Variants in MARCHF4 observed in about 807,000 individuals in gnomAD.
MARCHF4 encodes E3 ubiquitin-protein ligase MARCHF4.
A neutral mutation model predicts 43.9 loss-of-function variants in MARCHF4; 14 were observed. The ratio of observed to expected loss-of-function variants is 0.32; its 90% CI spans 0.21 to 0.50. The LOEUF (loss-of-function observed/expected upper bound fraction) is 0.50, where lower values mean the gene tolerates loss of function less well. MARCHF4 is among the 20% of genes least tolerant of loss of function. MARCHF4 has a pLI of 0.98. For missense variants in MARCHF4, 468 were observed against 536.7 expected (o/e 0.87, Z 1.27); for synonymous variants, 226 against 213.3 (o/e 1.06, Z -0.52).
chr2:216,329,249 C>T (rs1692046523), intron 1 of MARCHF4, among the ~76,000 whole-genome samples: 2 of 152,056 alleles, frequency 1.3e-5, no homozygotes, highest in Admixed American at 6.5e-5. Flanking sequence ...GGCTTGGTGG[C>T]GGGCACCTGT....
chr2:216,293,584 AAAAC>A (rs201659816), intron 1 of MARCHF4, among the ~76,000 whole-genome samples: 97 of 146,626 alleles, frequency 6.6e-4, no homozygotes, highest in South Asian at 4.2e-3. Context: ...AAAAAAAAAA[AAAAC>A]AATGTAAAAA....
chr2:216,330,563 T>G (rs939008086), intron 1 of MARCHF4, among the ~76,000 whole-genome samples: 2 of 152,210 alleles, frequency 1.3e-5, no homozygotes, highest in African/African-American at 4.8e-5. Context: ...GACAAAAGTA[T>G]TAATACATTC....
chr2:216,331,241 C>A (rs951249022), intron 1 of MARCHF4, among the ~76,000 whole-genome samples: 1 of 151,966 alleles, frequency 6.6e-6, no homozygotes, highest in Non-Finnish European at 1.5e-5. Context: ...TTATGCCAAA[C>A]ATTTTAGAAA....
intron 1 of MARCHF4, among the ~76,000 whole-genome samples, chr2:216,307,557 A>G (rs1045056248): frequency 1.3e-5 from 2 of 152,188 alleles, no homozygotes; most frequent in Middle Eastern, 3.4e-3. Flanking sequence ...TGGAACTGGA[A>G]TCTTTTCTCC....
chr2:216,268,929 T>C lies in MARCHF4; in HGVS notation c.865+8743A>G, dbSNP rs533307815. 7.9e-5 allele frequency among the ~76,000 whole-genome samples: 12 copies of C among 152,294 alleles called. No individual in the cohort carries two copies. In the South Asian group the frequency reaches 2.5e-3, roughly 32 times the overall value. On this transcript the variant is annotated intron_variant, in intron 3 of 3. Coordinates refer to ENST00000273067, the MANE Select transcript of MARCHF4 (RefSeq NM_020814.3). ...TCCTGCTGCCCCCATCCTCTGCCTA[T>C]TTGCTATAAAATGAGATTTAAATTC...
chr2:216,270,417 C>A lies in MARCHF4; in HGVS notation c.865+7255G>T, dbSNP rs75490452. 1.4e-4 allele frequency among the ~76,000 whole-genome samples: 21 copies of A among 152,206 alleles called. No homozygotes were observed. The East Asian group carries it at 3.9e-3, about 28-fold the overall frequency. The stretch of plus-strand genomic sequence containing the variant: ...CCCTCTTTTATCACCCGCCCCAACC[C>A]CATCAGTCACCAACCCTTGTCAGAA... On this transcript the variant is annotated intron_variant, in intron 3 of 3. Transcript: ENST00000273067.
Position 216,370,795 on chromosome 2 carries a change from T to A in MARCHF4, c.-535A>T, listed in dbSNP as rs1233245133. On this transcript the variant is annotated 5_prime_UTR_variant, in exon 1 of 4. Transcript: ENST00000273067. ...TAGAGAAAACTAGCTCAATGAAGAA[T>A]TGAGGACTGCATGTGTGAGAGAGAA... 1 of 152,284 alleles carries A rather than the reference T, an allele frequency of 6.6e-6. No homozygotes were observed. Among genetic ancestry groups the A allele is most frequent in the Non-Finnish European group, 1.5e-5 (1 of 68,168 alleles). The allele number at this position is 152,284 out of a possible 1,614,324, so 9.4% of individuals were successfully genotyped here. A position where few individuals can be genotyped will look rare whatever the true frequency, so the allele number is the denominator to read the frequency against.
chr2:216,347,640 T>C (rs1692341850), intron 1 of MARCHF4, among the ~76,000 whole-genome samples: 1 of 151,764 alleles, frequency 6.6e-6, no homozygotes, highest in Non-Finnish European at 1.5e-5. Context: ...AGGCAGGGAA[T>C]TGCTTAAACC....
intron 3 of MARCHF4, among the ~76,000 whole-genome samples, chr2:216,261,792 C>CA (rs758442742): frequency 2.6e-5 from 4 of 152,140 alleles, no homozygotes; most frequent in Admixed American, 6.5e-5. Context: ...AGGCCAAAGA[C>CA]AGAGCCCTGG....
intron 1 of MARCHF4, among the ~76,000 whole-genome samples, chr2:216,332,831 GAGAAGGGTAC>G (rs1170114203): frequency 6.6e-6 from 1 of 152,210 alleles, no homozygotes; most frequent in East Asian, 1.9e-4. Context: ...TAGTGGAATA[GAGAAGGGTAC>G]AGACATAGAT....
intron 3 of MARCHF4, among the ~76,000 whole-genome samples, chr2:216,268,585 C>T (rs1024357660): frequency 6.6e-6 from 1 of 152,200 alleles, no homozygotes; most frequent in Non-Finnish European, 1.5e-5. Context: ...CCTGGGGCCT[C>T]CCAAGCCATG....
chr2:216,342,981 G>A (rs537650996), intron 1 of MARCHF4, among the ~76,000 whole-genome samples: 1 of 152,270 alleles, frequency 6.6e-6, no homozygotes, highest in South Asian at 2.1e-4. Flanking sequence ...ACTGACTGAG[G>A]AAGAAGCATG....
chr2:216,281,686 C>T (rs2544062), intron 2 of MARCHF4, among the ~76,000 whole-genome samples: 17,177 of 152,182 alleles, frequency 0.11, 1,471 homozygotes, highest in African/African-American at 0.24. Flanking sequence ...CTTCCTTCTT[C>T]CAGTGCTATC....
intron 1 of MARCHF4, among the ~76,000 whole-genome samples, chr2:216,329,775 G>C (rs1467706166): frequency 6.6e-6 from 1 of 151,046 alleles, no homozygotes; most frequent in East Asian, 1.9e-4. Flanking sequence ...TGTCCCTTAA[G>C]TATAAGGACA....
intron 2 of MARCHF4, 54 bp from the exon 3 acceptor site, chr2:216,277,918 C>T (rs1223745713): frequency 1.3e-6 from 2 of 1,496,786 alleles, no homozygotes; most frequent in East Asian, 4.7e-5. Flanking sequence ...TTATCCCATT[C>T]CCACCCCTCT....
intron 1 of MARCHF4, among the ~76,000 whole-genome samples, chr2:216,349,505 A>G (rs1692366020): frequency 6.6e-6 from 1 of 152,206 alleles, no homozygotes; most frequent in African/African-American, 2.4e-5. Flanking sequence ...GTACATAGTG[A>G]TAACAGAGCA....
At chr2:216,340,494 C>G (rs2105974160) in intron 1 of MARCHF4, among the ~76,000 whole-genome samples, 1 of 152,296 alleles carries the variant, frequency 6.6e-6, no homozygotes, top group South Asian at 2.1e-4. Context: ...CAAACCCCAT[C>G]CAAATCCAGT....
At chr2:216,284,004 G>A (rs1691179176) in intron 1 of MARCHF4, among the ~76,000 whole-genome samples, 1 of 152,182 alleles carries the variant, frequency 6.6e-6, no homozygotes, top group Non-Finnish European at 1.5e-5. Flanking sequence ...ACGAACATGA[G>A]CGGGCTGGTT....
chr2:216,301,699 A>G (rs1274651367), intron 1 of MARCHF4, among the ~76,000 whole-genome samples: 1 of 152,252 alleles, frequency 6.6e-6, no homozygotes, highest in African/African-American at 2.4e-5. Flanking sequence ...GTGAAGGTCA[A>G]TAGATGAGAC....
Sources: allele counts gnomAD v4.1 joint callset (sites outside exome capture counted in the v4.1 genomes callset), GRCh38; gene constraint gnomAD v4.1.1; transcripts MANE v1.5; gene names NCBI Gene and HGNC (gene_info 2026-07-23, HGNC 2026-07-21).